OPTC: variants seen among roughly 807,000 people sequenced by gnomAD.
The protein encoded by OPTC is oculoglycan.
OPTC carries 22 observed loss-of-function variants against 25.4 expected under a neutral mutation model. The observed-to-expected ratio is 0.87, with a 90% CI of 0.62 to 1.24. The LOEUF (loss-of-function observed/expected upper bound fraction) is 1.24. OPTC is among the 50% of genes most tolerant of loss of function. The probability of loss-of-function intolerance (pLI) is 0.00; values close to 1 mark genes in which losing one functional copy is unlikely to be tolerated. For synonymous variants in OPTC, 169 were observed against 179.3 expected, an observed-to-expected ratio of 0.94 and a Z score of 0.46; for missense variants, 417 against 425.2, an observed-to-expected ratio of 0.98 and a Z score of 0.17.
chr1:203,504,768 CTT>C (rs1346682616), intron 7 of OPTC, among the ~76,000 whole-genome samples: 1 of 152,246 alleles, frequency 6.6e-6, no homozygotes, highest in Non-Finnish European at 1.5e-5. Context: ...TGGCCAGTCT[CTT>C]GAGCGTGGTT....
At chr1:203,507,376 G>C (rs1348827128) in intron 7 of OPTC, among the ~76,000 whole-genome samples, 1 of 152,148 alleles carries the variant, frequency 6.6e-6, no homozygotes, top group Non-Finnish European at 1.5e-5. Context: ...AGCCAGGCAC[G>C]GCAGCTAGCT....
chr1:203,495,343 A>G (rs1661260155), intron 1 of OPTC, among the ~76,000 whole-genome samples: 1 of 152,076 alleles, frequency 6.6e-6, no homozygotes, highest in Admixed American at 6.5e-5. Flanking sequence ...ATATGGTGAA[A>G]CCCCTTCTCT....
chr1:203,502,267 T>C (rs1337784121), intron 5 of OPTC, among the ~76,000 whole-genome samples: 1 of 152,198 alleles, frequency 6.6e-6, no homozygotes, highest in Non-Finnish European at 1.5e-5. Flanking sequence ...GCACACACTG[T>C]GTACCTCTCT....
chr1:203,503,287 C>T (rs1011265584), intron 6 of OPTC, among the ~76,000 whole-genome samples: 1 of 152,074 alleles, frequency 6.6e-6, no homozygotes, highest in Admixed American at 6.5e-5. Context: ...CTTTTTCCTA[C>T]CCTCTGTCTC....
At chr1:203,499,171 C>G (rs1661327668) in intron 4 of OPTC, among the ~76,000 whole-genome samples, 1 of 152,268 alleles carries the variant, frequency 6.6e-6, no homozygotes. Flanking sequence ...CTTAAATCTA[C>G]TCTCCATGGC....
intron 5 of OPTC, among the ~76,000 whole-genome samples, chr1:203,500,213 T>C (rs1349819670): frequency 2.8e-4 from 1 of 3,596 alleles, no homozygotes. Flanking sequence ...ACCACCCACC[T>C]CCACCACCAC....
chr1:203,494,638 C>T (rs530880865), intron 1 of OPTC, among the ~76,000 whole-genome samples: 1 of 151,736 alleles, frequency 6.6e-6, no homozygotes, highest in Non-Finnish European at 1.5e-5. Context: ...AACAGAGTGA[C>T]ACCGTCTTAA....
intron 1 of OPTC, among the ~76,000 whole-genome samples, chr1:203,495,094 A>C (rs1415100450): frequency 1.3e-5 from 2 of 152,206 alleles, no homozygotes; most frequent in Non-Finnish European, 1.5e-5. Context: ...TCCTAAAGAG[A>C]CTAGGTGCTC....
chr1:203,505,238 A>G (rs1661460308), intron 7 of OPTC, among the ~76,000 whole-genome samples: 1 of 151,634 alleles, frequency 6.6e-6, no homozygotes, highest in South Asian at 2.1e-4. Context: ...TTAGTGCAAA[A>G]GACAGGTGTG....
intron 1 of OPTC, 124 bp from the exon 2 acceptor site, chr1:203,495,841 G>T: frequency 1.5e-6 from 1 of 662,016 alleles, no homozygotes; most frequent in Non-Finnish European, 2.8e-6. Flanking sequence ...ATTTGTGCAT[G>T]TGATGAGAGC....
intron 4 of OPTC, among the ~76,000 whole-genome samples, chr1:203,499,394 C>A (rs1366863554): frequency 1.3e-5 from 2 of 152,016 alleles, no homozygotes; most frequent in African/African-American, 4.8e-5. Flanking sequence ...CAAGAGGCTT[C>A]TTCTAAAGGA....
chr1:203,508,243 C>T (rs1034625965), intron 7 of OPTC, among the ~76,000 whole-genome samples: 13 of 152,214 alleles, frequency 8.5e-5, no homozygotes, highest in Non-Finnish European at 1.8e-4. Flanking sequence ...GCCCCTACCA[C>T]GTCCCCCCAA....
At chr1:203,504,547 A>C (rs1275982205) in intron 7 of OPTC, among the ~76,000 whole-genome samples, 1 of 152,234 alleles carries the variant, frequency 6.6e-6, no homozygotes, top group Non-Finnish European at 1.5e-5. Context: ...GAGGAGAAAG[A>C]ATAGCTACTT....
intron 4 of OPTC, among the ~76,000 whole-genome samples, chr1:203,499,397 C>T (rs1661337169): frequency 6.6e-6 from 1 of 152,060 alleles, no homozygotes; most frequent in Admixed American, 6.6e-5. Context: ...GAGGCTTCTT[C>T]TAAAGGATGC....
Position 203,496,234 on chromosome 1 carries a change from G to A in OPTC, c.229G>A (p.Glu77Lys), listed in dbSNP as rs140125203. 5.0e-6 allele frequency: 8 copies of A among 1,608,204 alleles called. No homozygotes were observed. Among genetic ancestry groups the A allele is most frequent in the African/African-American group, 4.0e-5 (3 of 74,790 alleles). ...ELTDYGDQLP[E>K]VKVTSLAPAT... Reference sequence around the variant, plus strand: ...CACAGATTATGGGGACCAACTCCCCGAGGTGAGGGACACAGCAGACCAACT... The same window carrying A: ...CACAGATTATGGGGACCAACTCCCCAAGGTGAGGGACACAGCAGACCAACT... The change falls in exon 2 of 8, where the codon GAG (glutamate) becomes AAG (lysine). Residue 77 changes from glutamate (E) to lysine (K), a missense_variant and splice_region_variant. By Grantham distance (56) the Glu-to-Lys change is moderately conservative (BLOSUM62 1). Transcript: ENST00000367222.
rs574797359 is a variant in OPTC, at chr1:203,503,479, A to T, written c.829-71A>T. Reference sequence around the variant, plus strand: ...CAGGCAGAGCTGGTAGGGACAGCTGATGTGAGCCTTTGGTGCTGCTTAAGG... The same window carrying T: ...CAGGCAGAGCTGGTAGGGACAGCTGTTGTGAGCCTTTGGTGCTGCTTAAGG... On this transcript the variant is annotated intron_variant, in intron 6 of 7. Coordinates refer to ENST00000367222, the MANE Select transcript of OPTC (RefSeq NM_014359.4). The T allele has an allele frequency of 8.1e-6, 12 of 1,478,598 alleles. No individual in the cohort carries two copies. The East Asian group carries it at 1.1e-4, about 14-fold the overall frequency. The allele number at this position is 1,478,598 out of a possible 1,614,324, so 91.6% of individuals were successfully genotyped here.
chr1:203,495,310 G>T lies in OPTC; in HGVS notation c.-41-655G>T, dbSNP rs568848775. On this transcript the variant is annotated intron_variant, in intron 1 of 7. Coordinates refer to ENST00000367222, the MANE Select transcript of OPTC (RefSeq NM_014359.4). ...AGGGTGGGTGGATCACCTAAGGTCA[G>T]GAGTTCGACACCAGCCTGGCCAATA... Among the ~76,000 whole-genome samples the T allele has an allele frequency of 2.6e-5, 4 of 152,326 alleles. No individual in the cohort carries two copies. The South Asian group carries it at 8.3e-4, about 32-fold the overall frequency.
Position 203,502,972 on chromosome 1 carries a change from G to C in OPTC, c.791G>C (p.Gly264Ala). 4.3e-6 allele frequency: 7 copies of C among 1,613,954 alleles called. No homozygotes were observed. Among genetic ancestry groups the C allele is most frequent in the Non-Finnish European group, 5.9e-6 (7 of 1,180,040 alleles). Residue 264 changes from glycine (G) to alanine (A), a missense_variant, in exon 6 of 8, where the codon GGG (glycine) becomes GCG (alanine). By Grantham distance (60) the Gly-to-Ala change is moderately conservative. Coordinates refer to ENST00000367222, the MANE Select transcript of OPTC (RefSeq NM_014359.4). ...LSDNLLDSIP[G>A]PLPLSLRSVH... ...GACAACCTGCTGGATTCTATCCCGGGGCCTTTGCCCCTGAGCCTGCGCTCT... is the reference window on the plus strand; with the variant it reads ...GACAACCTGCTGGATTCTATCCCGGCGCCTTTGCCCCTGAGCCTGCGCTCT...
At chr1:203,504,110 G>A (rs547758680) in intron 7 of OPTC, among the ~76,000 whole-genome samples, 12 of 152,322 alleles carry the variant, frequency 7.9e-5, no homozygotes, top group African/African-American at 2.6e-4. Context: ...GAAGAGGAGA[G>A]CAGTGATGTG....
Sources: allele counts gnomAD v4.1 joint callset (sites outside exome capture counted in the v4.1 genomes callset), GRCh38; gene constraint gnomAD v4.1.1; transcripts MANE v1.5; gene names NCBI Gene and HGNC (gene_info 2026-07-23, HGNC 2026-07-21).